The following LOC400499 variants were observed in gnomAD, a reference collection of about 807,000 sequenced individuals.
At chr16:11,437,386 G>A in the LOC400499 span, among the ~76,000 whole-genome samples, 26 of 152,188 alleles carry the variant, frequency 1.7e-4, no homozygotes, top group African/African-American at 5.5e-4. Context: ...AGCAATACCC[G>A]CATCTCTACA....
the LOC400499 span, among the ~76,000 whole-genome samples, chr16:11,492,273 C>G: frequency 8.1e-6 from 1 of 123,850 alleles, no homozygotes; most frequent in Non-Finnish European, 1.7e-5. Context: ...CAGCCACCCA[C>G]CCACCCACCC....
the LOC400499 span, among the ~76,000 whole-genome samples, chr16:11,453,922 G>C: frequency 6.6e-6 from 1 of 152,168 alleles, no homozygotes; most frequent in South Asian, 2.1e-4. Flanking sequence ...ACAAAGAAAG[G>C]AAATTATCAA....
the LOC400499 span, chr16:11,399,285 C>A: frequency 2.1e-6 from 2 of 975,592 alleles, no homozygotes; most frequent in Non-Finnish European, 2.4e-6. Context: ...AGAGCCCTCA[C>A]CACATCCCAG....
the LOC400499 span, among the ~76,000 whole-genome samples, chr16:11,462,930 G>A: frequency 6.6e-5 from 10 of 152,190 alleles, no homozygotes; most frequent in Admixed American, 2.0e-4. Context: ...CCCGGTCATC[G>A]GCCTGTCTCA....
At chr16:11,474,100 C>G in the LOC400499 span, among the ~76,000 whole-genome samples, 1 of 152,238 alleles carries the variant, frequency 6.6e-6, no homozygotes, top group Non-Finnish European at 1.5e-5. Context: ...CTCAAGGAAT[C>G]CTCTCACCTC....
chr16:11,501,455 TCAG>T, the LOC400499 span, among the ~76,000 whole-genome samples: 62 of 152,288 alleles, frequency 4.1e-4, no homozygotes, highest in Non-Finnish European at 8.1e-4. Context: ...CCTCCTGGGC[TCAG>T]GTGATCCTCC....
the LOC400499 span, among the ~76,000 whole-genome samples, chr16:11,527,333 G>C: frequency 6.6e-6 from 1 of 152,082 alleles, no homozygotes; most frequent in Non-Finnish European, 1.5e-5. Context: ...TCAGAACAGA[G>C]ATCCAGCCAG....
At chr16:11,399,224 C>T in the LOC400499 span, 1 of 985,262 alleles carries the variant, frequency 1.0e-6, no homozygotes, top group African/African-American at 1.7e-5. Context: ...CACCTTCTTC[C>T]CCATCTGTTC....
the LOC400499 span, among the ~76,000 whole-genome samples, chr16:11,518,174 T>A: frequency 6.6e-6 from 1 of 152,220 alleles, no homozygotes; most frequent in Non-Finnish European, 1.5e-5. Flanking sequence ...GACCCTCCCC[T>A]TGCCTTTCAG....
At chr16:11,460,607 T>A in the LOC400499 span, 1 of 1,531,874 alleles carries the variant, frequency 6.5e-7, no homozygotes, top group South Asian at 1.2e-5. Context: ...CTGCTTTGCC[T>A]GACCTGTGTG....
chr16:11,388,059 T>C, the LOC400499 span, among the ~76,000 whole-genome samples: 15 of 152,140 alleles, frequency 9.9e-5, no homozygotes, highest in Admixed American at 8.5e-4. Context: ...AAGACAAACA[T>C]CTCATACCCT....
chr16:11,399,272 T>G, the LOC400499 span: 6 of 983,704 alleles, frequency 6.1e-6, no homozygotes, highest in Non-Finnish European at 7.2e-6. Flanking sequence ...TTTCTTGTCT[T>G]CCAGAGCCCT....
the LOC400499 span, chr16:11,411,397 T>A: frequency 4.0e-5 from 16 of 398,896 alleles, no homozygotes; most frequent in Non-Finnish European, 6.6e-5. Flanking sequence ...CAGGGCCATG[T>A]CGAGACCAAG....
chr16:11,501,101 G>A, the LOC400499 span: 2 of 337,164 alleles, frequency 5.9e-6, no homozygotes, highest in Admixed American at 6.7e-5. Flanking sequence ...GGGAGGGGCT[G>A]ACCCGGGTCT....
At chr16:11,401,256 C>T in the LOC400499 span, 4 of 399,068 alleles carry the variant, frequency 1.0e-5, no homozygotes, top group African/African-American at 2.1e-5. Context: ...CCTGGGACAT[C>T]CTCACTCACC....
the LOC400499 span, chr16:11,459,874 C>G: frequency 5.2e-6 from 7 of 1,349,270 alleles, no homozygotes; most frequent in East Asian, 2.0e-4. Flanking sequence ...GGGCACGGCT[C>G]TGCCGCAGTG....
the LOC400499 span, chr16:11,478,633 T>C: frequency 2.5e-6 from 1 of 399,014 alleles, no homozygotes; most frequent in African/African-American, 2.1e-5. Flanking sequence ...CCCCAGCAAC[T>C]TCACGCTCAG....
chr16:11,469,474 G>A, the LOC400499 span: 1 of 398,990 alleles, frequency 2.5e-6, no homozygotes, highest in East Asian at 3.6e-5. Flanking sequence ...ACCGAGTGAG[G>A]GGCGCAGTGA....
the LOC400499 span, among the ~76,000 whole-genome samples, chr16:11,428,407 C>G: frequency 2.0e-5 from 3 of 152,256 alleles, no homozygotes; most frequent in Non-Finnish European, 2.9e-5. Flanking sequence ...CTCCTGACCT[C>G]GGGTGATCCA....
Sources: gnomAD v4.1 joint callset for allele counts (sites outside exome capture counted in the v4.1 genomes callset) on GRCh38, gnomAD v4.1.1 for gene constraint, MANE v1.5 for transcripts.